Variants in TSHR observed in about 807,000 individuals in gnomAD.
TSHR encodes the protein thyroid stimulating hormone receptor, also known as thyrotropin receptor.
In TSHR, 51 loss-of-function variants were observed where a neutral mutation model predicts 64.1. The observed-to-expected ratio is 0.80, with a 90% CI of 0.64 to 1.01. The LOEUF is 1.01. Among genes scored for constraint, TSHR ranks in the 50% least tolerant of loss-of-function variants. The probability of loss-of-function intolerance (pLI) is 0.00; values close to 1 mark genes in which losing one functional copy is unlikely to be tolerated. For missense variants in TSHR, 877 were observed against 942.8 expected, an observed-to-expected ratio of 0.93 and a Z score of 0.91; for synonymous variants, 361 against 361.9, an observed-to-expected ratio of 1.00 and a Z score of 0.03.
chr14:81,105,049 C>A (rs1889808994), intron 7 of TSHR: 1 of 985,204 alleles, frequency 1.0e-6, no homozygotes, highest in Admixed American at 6.2e-5. Flanking sequence ...TTTTAAGCTA[C>A]TTTATGTTCA....
At chr14:81,119,453 G>T (rs1400870272) in intron 8 of TSHR, among the ~76,000 whole-genome samples, 2 of 142,328 alleles carry the variant, frequency 1.4e-5, no homozygotes, top group Non-Finnish European at 3.0e-5. Context: ...GGCCATCAGA[G>T]AAATGCAAAT....
At chr14:80,986,998 A>T (rs1045015751) in intron 1 of TSHR, among the ~76,000 whole-genome samples, 1 of 152,226 alleles carries the variant, frequency 6.6e-6, no homozygotes, top group Non-Finnish European at 1.5e-5. Flanking sequence ...AGTATCTTTT[A>T]AGAAAATTCA....
intron 7 of TSHR, chr14:81,104,615 C>A (rs954891030): frequency 5.1e-6 from 5 of 985,306 alleles, no homozygotes; most frequent in Non-Finnish European, 6.0e-6. Flanking sequence ...CTATGTGCCA[C>A]GAGTGAGTCC....
intron 1 of TSHR, chr14:81,014,526 T>C (rs1438364988): frequency 6.6e-6 from 1 of 152,306 alleles, no homozygotes; most frequent in Non-Finnish European, 1.5e-5. Context: ...CCATCTCAGG[T>C]TTGGCTTTCC....
intron 2 of TSHR, among the ~76,000 whole-genome samples, chr14:81,067,483 T>TATATATATATATA (rs10528933): frequency 2.7e-4 from 37 of 134,960 alleles, no homozygotes; most frequent in African/African-American, 9.5e-4. Flanking sequence ...GTTTATAGTT[T>TATATATATATATA]TATATATATA....
chr14:81,143,896 A>G lies in TSHR; in HGVS notation c.1838A>G (p.Tyr613Cys), dbSNP rs540799629. 20 of 1,614,232 alleles carry G rather than the reference A, an allele frequency of 1.2e-5. No homozygotes were observed. The East Asian group carries it at 4.0e-4, about 32-fold the overall frequency. ...TACATCACAGTCCGAAATCCGCAGT[A>G]CAACCCAGGGGACAAAGATACCAAA... ...KIYITVRNPQ[Y>C]NPGDKDTKIA... The change falls in exon 10 of 10, where the codon TAC becomes TGC. Residue 613 changes from tyrosine (Y) to cysteine (C), a missense_variant. Physicochemically the swap from Tyr to Cys is radical, Grantham distance 194. Coordinates refer to ENST00000298171, the MANE Select transcript of TSHR (RefSeq NM_000369.5).
intron 8 of TSHR, among the ~76,000 whole-genome samples, chr14:81,129,360 T>G (rs1029225801): frequency 1.3e-5 from 2 of 152,218 alleles, no homozygotes; most frequent in African/African-American, 4.8e-5. Context: ...GTTCTGTCAT[T>G]ATAAACACTG....
intron 7 of TSHR, 127 bp downstream of exon 7, chr14:81,096,834 A>G (rs1230321133): frequency 2.8e-6 from 3 of 1,075,800 alleles, no homozygotes; most frequent in Admixed American, 4.0e-5. Context: ...TGTGACCAAC[A>G]TGGAAATGAG....
intron 1 of TSHR, among the ~76,000 whole-genome samples, chr14:81,010,955 C>A (rs894329709): frequency 6.6e-6 from 1 of 152,178 alleles, no homozygotes; most frequent in Non-Finnish European, 1.5e-5. Flanking sequence ...CTTCTTGGTA[C>A]TCAGCACTAA....
chr14:80,955,877 G>T, intron 1 of TSHR, 27 bp downstream of exon 1: 1 of 1,613,988 alleles, frequency 6.2e-7, no homozygotes, highest in South Asian at 1.1e-5. Flanking sequence ...GATCAGGGTA[G>T]GACCCAGAGA....
Position 81,143,089 on chromosome 14 carries a change from A to G in TSHR, c.1031A>G (p.Gln344Arg), listed in dbSNP as rs755827885. 1.9e-6 allele frequency: 3 copies of G among 1,614,222 alleles called. No homozygotes were observed. The highest frequency in any genetic ancestry group is 2.2e-5 in the East Asian group (1 of 44,880). ...GGGTACAAGGAAAAGTCCAAGTTCCAGGATACTCATAACAACGCTCATTAT... is the reference window on the plus strand; with the variant it reads ...GGGTACAAGGAAAAGTCCAAGTTCCGGGATACTCATAACAACGCTCATTAT... Reference protein sequence around the residue: ...IVGYKEKSKFQDTHNNAHYYV... With the variant: ...IVGYKEKSKFRDTHNNAHYYV... Residue 344 changes from glutamine to arginine, a missense_variant, in exon 10 of 10, where the codon CAG becomes CGG. Gln to Arg is a conservative substitution (Grantham distance 43). Transcript: ENST00000298171.
At chr14:81,086,832 C>T (rs1888320690) in intron 3 of TSHR, among the ~76,000 whole-genome samples, 1 of 152,134 alleles carries the variant, frequency 6.6e-6, no homozygotes, top group South Asian at 2.1e-4. Flanking sequence ...CAAAAGACTG[C>T]CTGTTATATG....
At chr14:81,039,545 T>C (rs1884818946) in intron 1 of TSHR, among the ~76,000 whole-genome samples, 1 of 151,872 alleles carries the variant, frequency 6.6e-6, no homozygotes, top group East Asian at 1.9e-4. Context: ...TGTTTTCATA[T>C]AACATAATTT....
At chr14:81,089,345 A>G (rs1477310158) in intron 4 of TSHR, among the ~76,000 whole-genome samples, 1 of 152,182 alleles carries the variant, frequency 6.6e-6, no homozygotes, top group Admixed American at 6.5e-5. Context: ...GAAGACACTG[A>G]TGGGATATGA....
chr14:81,141,816 A>G (rs1256427816), intron 9 of TSHR, among the ~76,000 whole-genome samples: 1 of 152,204 alleles, frequency 6.6e-6, no homozygotes. Flanking sequence ...AGAGGCAGCC[A>G]TGGGTTTTTC....
intron 3 of TSHR, among the ~76,000 whole-genome samples, chr14:81,075,635 T>G: frequency 8.3e-6 from 1 of 119,782 alleles, no homozygotes; most frequent in African/African-American, 3.2e-5. Context: ...CCCAATGCTA[T>G]CCCTCCCCCC....
At chr14:81,134,830 C>T (rs1359980446) in intron 8 of TSHR, among the ~76,000 whole-genome samples, 1 of 152,146 alleles carries the variant, frequency 6.6e-6, no homozygotes, top group East Asian at 1.9e-4. Context: ...GAACAAAGGT[C>T]TTCAGATTGA....
chr14:81,063,641 T>C (rs901529516), intron 2 of TSHR, among the ~76,000 whole-genome samples: 1 of 152,176 alleles, frequency 6.6e-6, no homozygotes, highest in Non-Finnish European at 1.5e-5. Flanking sequence ...TGGCCATTAC[T>C]TCATTCATTC....
intron 3 of TSHR, among the ~76,000 whole-genome samples, chr14:81,068,990 A>C (rs540303354): frequency 2.2e-4 from 34 of 152,334 alleles, no homozygotes; most frequent in African/African-American, 7.9e-4. Flanking sequence ...ACAATCTATA[A>C]AAAGTGTTAC....
Sources: gnomAD v4.1 joint callset for allele counts (sites outside exome capture counted in the v4.1 genomes callset) on GRCh38, gnomAD v4.1.1 for gene constraint, MANE v1.5 for transcripts, NCBI Gene and HGNC (gene_info 2026-07-23, HGNC 2026-07-21) for gene names.